GCC2: variants seen among roughly 807,000 people sequenced by gnomAD.
The protein encoded by GCC2 is GRIP and coiled-coil domain-containing protein 2.
GCC2 carries 120 observed loss-of-function variants against 210.6 expected under a neutral mutation model. That is an observed-to-expected ratio of 0.57 (90% confidence interval 0.49 to 0.66). The LOEUF (loss-of-function observed/expected upper bound fraction) is 0.66, where lower values mean the gene tolerates loss of function less well. GCC2 is among the 30% of genes least tolerant of loss of function. The pLI, the probability that GCC2 is intolerant of heterozygous loss-of-function variation, is 0.00. For missense variants in GCC2, 1,868 were observed against 1,871.9 expected, an observed-to-expected ratio of 1.00 and a Z score of 0.04; for synonymous variants, 703 against 652.7, an observed-to-expected ratio of 1.08 and a Z score of -1.17.
At chr2:108,465,441 C>G (rs1159023818) in intron 4 of GCC2, among the ~76,000 whole-genome samples, 2 of 152,150 alleles carry the variant, frequency 1.3e-5, no homozygotes, top group African/African-American at 4.8e-5. Flanking sequence ...GACTTTAGTG[C>G]ACCCATCACC....
In GCC2 at chr2:108,494,845, A is replaced by G. The variant is rs150629294; in HGVS notation, c.4448-446A>G. The G allele has an allele frequency of 3.3e-3, 502 of 152,596 alleles. No homozygotes were observed. The Middle Eastern group carries it at 0.034, about 10-fold the overall frequency. 9.5% of individuals were successfully genotyped at this position (152,596 alleles called of 1,614,324 possible). On this transcript the variant is annotated intron_variant, in intron 19 of 22. Transcript: ENST00000309863. ...TGTTTTGTTTTTGAGCTGGAGTCTC[A>G]CTCTGTCGCCAGGCTGGAGTGCAGT...
chr2:108,460,362 T>A (rs1461917456), intron 4 of GCC2, among the ~76,000 whole-genome samples: 1 of 152,196 alleles, frequency 6.6e-6, no homozygotes, highest in Non-Finnish European at 1.5e-5. Context: ...TTACATGCAG[T>A]TATTAATTAT....
chr2:108,465,015 AGAGT>A, intron 4 of GCC2, among the ~76,000 whole-genome samples: 1 of 152,172 alleles, frequency 6.6e-6, no homozygotes, highest in African/African-American at 2.4e-5. Flanking sequence ...TTGTGAACTC[AGAGT>A]GAGAGCTCAC....
intron 22 of GCC2, among the ~76,000 whole-genome samples, chr2:108,499,960 G>A (rs1682836199): frequency 6.6e-6 from 1 of 152,166 alleles, no homozygotes. Context: ...TTAACGTTCA[G>A]CAAAATACAG....
At chr2:108,486,034 AC>A (rs1468742222) in intron 15 of GCC2, 126 bp downstream of exon 15, 4 of 577,166 alleles carry the variant, frequency 6.9e-6, no homozygotes, top group Non-Finnish European at 9.2e-6. Context: ...TGAGGAAGTT[AC>A]AACAATAAAT....
At position 108,457,693 on chromosome 2, in the gene GCC2, C is replaced by T. The variant is rs185438842; in HGVS notation, c.216+5227C>T. On this transcript the variant is annotated intron_variant, in intron 4 of 22. Transcript: ENST00000309863. Reference sequence around the variant, plus strand: ...TTTTCATTATAGAGATCTTACACTTCTTTGGCTTTTGTTTGAGCTACTGTA... The same window carrying T: ...TTTTCATTATAGAGATCTTACACTTTTTTGGCTTTTGTTTGAGCTACTGTA... Among the ~76,000 whole-genome samples, 11 of 152,196 alleles carry T rather than the reference C, an allele frequency of 7.2e-5. No homozygotes were observed. The East Asian group carries it at 1.9e-3, about 27-fold the overall frequency.
At chr2:108,449,499 C>T in intron 1 of GCC2, 134 bp from the exon 2 acceptor site, 6 of 1,201,966 alleles carry the variant, frequency 5.0e-6, no homozygotes, top group Non-Finnish European at 7.2e-6. Flanking sequence ...CCTCCGTCCG[C>T]CCTCATTCTC....
At chr2:108,482,068 TTGCTC>T (rs1681888436) in intron 10 of GCC2, among the ~76,000 whole-genome samples, 1 of 152,198 alleles carries the variant, frequency 6.6e-6, no homozygotes, top group Admixed American at 6.6e-5. Context: ...TTTCTGCTCT[TTGCTC>T]TGCCAGTGCA....
chr2:108,459,807 C>A (rs368059565), intron 4 of GCC2, among the ~76,000 whole-genome samples: 1 of 49,400 alleles, frequency 2.0e-5, no homozygotes, highest in East Asian at 7.6e-4. Flanking sequence ...TCTGTTTTAT[C>A]TAAGTATAGC....
chr2:108,472,752 A>G (rs905026551), intron 6 of GCC2, 75 bp from the exon 7 acceptor site: 10 of 829,200 alleles, frequency 1.2e-5, no homozygotes, highest in Non-Finnish European at 2.0e-5. Context: ...CATGATGGCC[A>G]GTTCATTATG....
At chr2:108,497,890 C>T (rs1008139986) in intron 21 of GCC2, among the ~76,000 whole-genome samples, 42 of 152,184 alleles carry the variant, frequency 2.8e-4, no homozygotes, top group African/African-American at 9.4e-4. Context: ...AATGGTGGAA[C>T]AAAATTTAAA....
intron 19 of GCC2, chr2:108,494,555 C>G (rs183688625): frequency 6.6e-6 from 1 of 152,112 alleles, no homozygotes; most frequent in Non-Finnish European, 1.5e-5. Flanking sequence ...GGATGTCTGC[C>G]AAGCAGATTT....
At chr2:108,500,133 C>T (rs1287662127) in intron 22 of GCC2, among the ~76,000 whole-genome samples, 5 of 139,984 alleles carry the variant, frequency 3.6e-5, no homozygotes, top group Non-Finnish European at 7.7e-5. Context: ...TCCTCCAACC[C>T]CAAATAGCCT....
chr2:108,462,567 T>A (rs1197190645), intron 4 of GCC2: 3 of 140,658 alleles, frequency 2.1e-5, no homozygotes, highest in East Asian at 4.3e-4. Flanking sequence ...CTTCTTTTTT[T>A]TTTTTTTTTT....
chr2:108,464,604 G>A (rs1245664964), intron 4 of GCC2, among the ~76,000 whole-genome samples: 1 of 152,178 alleles, frequency 6.6e-6, no homozygotes, highest in Non-Finnish European at 1.5e-5. Context: ...GCCTTTCTGA[G>A]CATTGGGGAA....
chr2:108,489,829 C>T lies in GCC2; in HGVS notation c.4053-9C>T. 1 of 1,577,474 alleles carries T rather than the reference C, an allele frequency of 6.3e-7. No individual in the cohort carries two copies. Among genetic ancestry groups the T allele is most frequent in the Non-Finnish European group, 8.6e-7 (1 of 1,165,252 alleles). ...CAAAAAATTTTAAAACTGTGTATTT[C>T]TGTTTTAGGGAACATCTGGAAATGC... is the stretch of plus-strand genomic sequence containing the variant. On this transcript the variant is annotated splice_polypyrimidine_tract_variant and intron_variant, in intron 17 of 22. Coordinates refer to ENST00000309863, the MANE Select transcript of GCC2 (RefSeq NM_181453.4).
intron 20 of GCC2, 59 bp downstream of exon 20, chr2:108,495,544 C>T (rs1573230291): frequency 1.4e-5 from 17 of 1,188,220 alleles, no homozygotes; most frequent in Non-Finnish European, 1.8e-5. Context: ...TATTTAATTA[C>T]TATTACTCTA....
intron 22 of GCC2, among the ~76,000 whole-genome samples, chr2:108,506,746 C>T (rs989504002): frequency 6.6e-6 from 1 of 152,056 alleles, no homozygotes; most frequent in Non-Finnish European, 1.5e-5. Flanking sequence ...CTCTTATCGT[C>T]AACAATACTT....
intron 4 of GCC2, among the ~76,000 whole-genome samples, chr2:108,453,785 TAAAA>T (rs200197742): frequency 2.1e-5 from 3 of 141,778 alleles, no homozygotes; most frequent in Non-Finnish European, 4.6e-5. Flanking sequence ...ACTCCGTTTT[TAAAA>T]AAAAAAAAAA....
Sources: allele counts gnomAD v4.1 joint callset (sites outside exome capture counted in the v4.1 genomes callset), GRCh38; gene constraint gnomAD v4.1.1; transcripts MANE v1.5; gene names NCBI Gene and HGNC (gene_info 2026-07-23, HGNC 2026-07-21).